SLC35F4: variants seen among roughly 807,000 people sequenced by gnomAD.
SLC35F4 encodes solute carrier family 35 member F4.
A neutral mutation model predicts 44.2 loss-of-function variants in SLC35F4; 24 were observed. That is an observed-to-expected ratio of 0.54 (90% confidence interval 0.39 to 0.76). The LOEUF (loss-of-function observed/expected upper bound fraction) is 0.76. Ranked by LOEUF, SLC35F4 falls within the 30% of genes least tolerant of loss-of-function variation. The probability of loss-of-function intolerance (pLI) is 0.00; values close to 1 mark genes in which losing one functional copy is unlikely to be tolerated. For missense variants in SLC35F4, 562 were observed against 586.1 expected, an observed-to-expected ratio of 0.96 and a Z score of 0.42; for synonymous variants, 238 against 223.6, an observed-to-expected ratio of 1.06 and a Z score of -0.57.
chr14:57,831,438 G>A (rs1187748893), intron 1 of SLC35F4, among the ~76,000 whole-genome samples: 1 of 152,136 alleles, frequency 6.6e-6, no homozygotes, highest in Non-Finnish European at 1.5e-5. Context: ...ATAGACGCAG[G>A]CATACAGCAT....
intron 1 of SLC35F4, among the ~76,000 whole-genome samples, chr14:57,966,328 C>T (rs1190243615): frequency 6.6e-6 from 1 of 152,154 alleles, no homozygotes; most frequent in Non-Finnish European, 1.5e-5. Context: ...CAGTTCGGTT[C>T]TATGTTCTGT....
intron 1 of SLC35F4, among the ~76,000 whole-genome samples, chr14:57,933,415 C>T (rs991078006): frequency 4.6e-5 from 7 of 152,150 alleles, no homozygotes; most frequent in Non-Finnish European, 1.0e-4. Context: ...CACAGTCCTC[C>T]TAAGCCCATA....
intron 1 of SLC35F4, among the ~76,000 whole-genome samples, chr14:57,911,501 T>G (rs1275031492): frequency 3.3e-5 from 5 of 152,028 alleles, no homozygotes; most frequent in Non-Finnish European, 5.9e-5. Flanking sequence ...TGAATGGGTG[T>G]TGGATTTTGT....
At chr14:57,662,060 A>G (rs1387502006) in intron 1 of SLC35F4, among the ~76,000 whole-genome samples, 1 of 152,184 alleles carries the variant, frequency 6.6e-6, no homozygotes, top group Non-Finnish European at 1.5e-5. Context: ...ATAGTGAAGT[A>G]AGGCAGATGT....
intron 1 of SLC35F4, among the ~76,000 whole-genome samples, chr14:57,808,350 A>G (rs1881587864): frequency 6.6e-6 from 1 of 151,870 alleles, no homozygotes; most frequent in Admixed American, 6.6e-5. Context: ...TACCACAAAT[A>G]TAGAAAGTGA....
chr14:57,637,023 C>T (rs748566020), intron 1 of SLC35F4, among the ~76,000 whole-genome samples: 3 of 152,048 alleles, frequency 2.0e-5, no homozygotes, highest in Non-Finnish European at 4.4e-5. Flanking sequence ...TCAAGGAGTG[C>T]TTCATCCCTG....
At chr14:57,665,326 AT>A (rs1205254253) in intron 1 of SLC35F4, among the ~76,000 whole-genome samples, 1 of 152,176 alleles carries the variant, frequency 6.6e-6, no homozygotes, top group Admixed American at 6.5e-5. Context: ...AACAATAATA[AT>A]AGCTATTACT....
At chr14:57,589,854 T>C (rs560733860) in intron 2 of SLC35F4, among the ~76,000 whole-genome samples, 2 of 152,244 alleles carry the variant, frequency 1.3e-5, no homozygotes, top group African/African-American at 4.8e-5. Context: ...GCGCTTTCTA[T>C]TGAATGTGAG....
chr14:57,644,357 T>C (rs955289396), intron 1 of SLC35F4, among the ~76,000 whole-genome samples: 7 of 152,238 alleles, frequency 4.6e-5, no homozygotes, highest in African/African-American at 1.7e-4. Flanking sequence ...TTTGCATTTC[T>C]CTGATGGCCA....
At chr14:57,767,936 C>T (rs771110139) in intron 1 of SLC35F4, among the ~76,000 whole-genome samples, 16 of 152,104 alleles carry the variant, frequency 1.1e-4, no homozygotes, top group Non-Finnish European at 2.1e-4. Flanking sequence ...CTCTCAAAAA[C>T]TTTTACAACT....
At chr14:57,844,774 T>C (rs895407523) in intron 1 of SLC35F4, among the ~76,000 whole-genome samples, 8 of 152,246 alleles carry the variant, frequency 5.3e-5, no homozygotes, top group South Asian at 4.1e-4. Context: ...AGGAGTCAAG[T>C]TGGGATCAGG....
intron 1 of SLC35F4, among the ~76,000 whole-genome samples, chr14:57,720,949 C>A (rs1399014599): frequency 8.1e-6 from 1 of 123,252 alleles, no homozygotes; most frequent in African/African-American, 3.0e-5. Flanking sequence ...TATTGTGTGA[C>A]CGTGTGATTG....
rs929337626 is a variant in SLC35F4, at chr14:57,693,367, C to T, written c.104-99243G>A. Among the ~76,000 whole-genome samples, 11 of 152,166 alleles carry T rather than the reference C, an allele frequency of 7.2e-5. 1 individual carries two copies. The highest frequency in any genetic ancestry group is 1.2e-4 in the Non-Finnish European group (8 of 68,040). ...AATCTCTACAGCACTGTGACATGTTCGTGATGGCCATGACGCCCACACTGG... is the reference window on the plus strand; with the variant it reads ...AATCTCTACAGCACTGTGACATGTTTGTGATGGCCATGACGCCCACACTGG... On this transcript the variant is annotated intron_variant, in intron 1 of 7. Coordinates refer to ENST00000556826, the MANE Select transcript of SLC35F4 (RefSeq NM_001306087.2).
intron 4 of SLC35F4, 133 bp from the exon 5 acceptor site, chr14:57,572,152 A>G (rs1226178929): frequency 3.1e-6 from 3 of 982,206 alleles, no homozygotes; most frequent in Admixed American, 5.4e-5. Flanking sequence ...CTTTAAATGT[A>G]GGAAGGCTCA....
rs535678132 is a variant in SLC35F4 at position 57,645,411 on chromosome 14, G to C, written c.104-51287C>G. 2.6e-5 allele frequency among the ~76,000 whole-genome samples: 4 copies of C among 152,128 alleles called. No individual in the cohort carries two copies. The South Asian group carries it at 8.3e-4, about 32-fold the overall frequency. On this transcript the variant is annotated intron_variant, in intron 1 of 7. Transcript: ENST00000556826. ...GTGAATGGGAGTTCACTCATGATTTGGCTCTCTGTTTGTCTGTTATTGGTG... is the reference window on the plus strand; with the variant it reads ...GTGAATGGGAGTTCACTCATGATTTCGCTCTCTGTTTGTCTGTTATTGGTG...
chr14:57,851,265 G>A (rs1355536058), intron 1 of SLC35F4, among the ~76,000 whole-genome samples: 1 of 152,014 alleles, frequency 6.6e-6, no homozygotes, highest in African/African-American at 2.4e-5. Flanking sequence ...ATTAAATTTT[G>A]CATACATTAT....
intron 1 of SLC35F4, among the ~76,000 whole-genome samples, chr14:57,669,531 T>G (rs1255280196): frequency 6.6e-6 from 1 of 152,144 alleles, no homozygotes; most frequent in African/African-American, 2.4e-5. Context: ...TTGAGATTTT[T>G]TAGCATGAAG....
At chr14:57,900,774 C>T (rs998830859) in intron 1 of SLC35F4, among the ~76,000 whole-genome samples, 1 of 152,086 alleles carries the variant, frequency 6.6e-6, no homozygotes, top group African/African-American at 2.4e-5. Context: ...GCAGTCTATC[C>T]ATCTGACAAA....
chr14:57,924,599 C>T (rs956136982), intron 1 of SLC35F4, among the ~76,000 whole-genome samples: 1 of 152,076 alleles, frequency 6.6e-6, no homozygotes, highest in Non-Finnish European at 1.5e-5. Context: ...GAGGTGCCTG[C>T]CACCACACCC....
Sources: allele counts gnomAD v4.1 joint callset (sites outside exome capture counted in the v4.1 genomes callset), GRCh38; gene constraint gnomAD v4.1.1; transcripts MANE v1.5; gene names NCBI Gene and HGNC (gene_info 2026-07-23, HGNC 2026-07-21).